KCMF1: variants seen among roughly 807,000 people sequenced by gnomAD.
The protein encoded by KCMF1 is potassium channel modulatory factor 1, also known as E3 ubiquitin-protein ligase KCMF1.
KCMF1 carries 3 observed loss-of-function variants against 41.1 expected under a neutral mutation model. The observed-to-expected ratio is 0.07, with a 90% CI of 0.03 to 0.19. The LOEUF (loss-of-function observed/expected upper bound fraction) is 0.19. Among genes scored for constraint, KCMF1 ranks in the 10% least tolerant of loss-of-function variants. KCMF1 has a pLI of 1.00. For synonymous variants in KCMF1, 142 were observed against 164.5 expected, an observed-to-expected ratio of 0.86 and a Z score of 1.04; for missense variants, 286 against 488.9, an observed-to-expected ratio of 0.58 and a Z score of 3.91.
intron 6 of KCMF1, among the ~76,000 whole-genome samples, chr2:85,052,522 T>C (rs1325624741): frequency 6.6e-6 from 1 of 152,206 alleles, no homozygotes; most frequent in Non-Finnish European, 1.5e-5. Context: ...TTTCCCAGCA[T>C]AGCCCAGATC....
chr2:84,997,311 T>A (rs1327742582), intron 1 of KCMF1, among the ~76,000 whole-genome samples: 1 of 152,196 alleles, frequency 6.6e-6, no homozygotes, highest in Non-Finnish European at 1.5e-5. Context: ...TTCATTTGGC[T>A]TATACGTAGT....
intron 1 of KCMF1, among the ~76,000 whole-genome samples, chr2:85,000,145 AT>A (rs1419837994): frequency 6.6e-6 from 1 of 151,940 alleles, no homozygotes; most frequent in Non-Finnish European, 1.5e-5. Context: ...GACGATATTG[AT>A]TTTTTTTGAG....
intron 5 of KCMF1, 108 bp downstream of exon 5, chr2:85,046,386 CT>C: frequency 1.3e-6 from 1 of 788,292 alleles, no homozygotes; most frequent in South Asian, 1.9e-5. Context: ...TCCCAGCACT[CT>C]GGGAGGCTGG....
chr2:84,982,279 G>A (rs1327557467), intron 1 of KCMF1, among the ~76,000 whole-genome samples: 1 of 151,078 alleles, frequency 6.6e-6, no homozygotes, highest in Admixed American at 6.6e-5. Flanking sequence ...CTCTGTGGTT[G>A]TAGAGGTTTG....
chr2:85,051,922 T>C (rs1293732585), intron 6 of KCMF1, among the ~76,000 whole-genome samples: 1 of 152,226 alleles, frequency 6.6e-6, no homozygotes, highest in Non-Finnish European at 1.5e-5. Context: ...TTATGTGATA[T>C]ATATAGGGCC....
chr2:85,043,638 A>G lies in KCMF1; in HGVS notation c.399A>G (p.Thr133=). The change falls in exon 4 of 7, where the codon ACA becomes ACG. Residue 133 remains threonine, a synonymous_variant. Transcript: ENST00000409785. ...HVTDDFAAHL[T]LEHRAPRDLD... ...CGGATGACTTTGCAGCTCATCTTAC[A>G]CTTGAACACAGAGCCCCTAGAGATT... 1.2e-6 allele frequency: 2 copies of G among 1,610,522 alleles called. No individual in the cohort carries two copies. The highest frequency in any genetic ancestry group is 1.7e-5 in the Admixed American group (1 of 59,990).
chr2:84,971,511 C>G (rs1345121786), intron 1 of KCMF1, 44 bp downstream of exon 1: 3 of 1,122,756 alleles, frequency 2.7e-6, no homozygotes, highest in Non-Finnish European at 3.4e-6. Flanking sequence ...CGGGCCTCGG[C>G]CTACCCCGCC....
At position 85,056,273 on chromosome 2, in the gene KCMF1, G is replaced by A. The variant is rs374079523; in HGVS notation, c.*2864G>A. 9 of 151,910 alleles carry A rather than the reference G, an allele frequency of 5.9e-5. No homozygotes were observed. The highest frequency in any genetic ancestry group is 1.0e-4 in the Non-Finnish European group (7 of 68,002). The allele number at this position is 151,910 out of a possible 1,614,324, so 9.4% of individuals were successfully genotyped here. On this transcript the variant is annotated 3_prime_UTR_variant, in exon 7 of 7. Transcript: ENST00000409785. ...GATTACACTATTAGAAATAATAGAC[G>A]TAACAAAAAAAATCCAGCCCATTAT... is the stretch of plus-strand genomic sequence containing the variant.
chr2:85,004,628 C>T (rs930469072), intron 1 of KCMF1, among the ~76,000 whole-genome samples: 2 of 152,064 alleles, frequency 1.3e-5, no homozygotes, highest in East Asian at 1.9e-4. Flanking sequence ...GTGAGAACAA[C>T]TGAATTTTTT....
At chr2:85,043,009 T>A (rs1378165392) in intron 3 of KCMF1, among the ~76,000 whole-genome samples, 1 of 152,240 alleles carries the variant, frequency 6.6e-6, no homozygotes, top group Non-Finnish European at 1.5e-5. Context: ...AAAAATGGGC[T>A]TCCATACCAT....
chr2:85,037,850 G>A (rs900925419), intron 3 of KCMF1, among the ~76,000 whole-genome samples: 1 of 152,228 alleles, frequency 6.6e-6, no homozygotes, highest in African/African-American at 2.4e-5. Context: ...AGAGCAGAAG[G>A]TGAGCAGTGG....
At chr2:85,000,029 A>T (rs1295107196) in intron 1 of KCMF1, among the ~76,000 whole-genome samples, 4 of 115,882 alleles carry the variant, frequency 3.5e-5, no homozygotes, top group East Asian at 8.9e-4. Flanking sequence ...GGGGACATTA[A>T]AAAAAAAAGA....
At chr2:85,008,436 A>G (rs1378698182) in intron 1 of KCMF1, among the ~76,000 whole-genome samples, 1 of 118,104 alleles carries the variant, frequency 8.5e-6, no homozygotes, top group Admixed American at 9.4e-5. Flanking sequence ...TATATGATAT[A>G]TACATCATAT....
At chr2:84,998,218 A>G (rs1007569626) in intron 1 of KCMF1, among the ~76,000 whole-genome samples, 3 of 151,636 alleles carry the variant, frequency 2.0e-5, no homozygotes, top group Non-Finnish European at 4.4e-5. Flanking sequence ...CAGCCTCCCG[A>G]GTAGCTGGGA....
At position 84,972,801 on chromosome 2, in the gene KCMF1, T is replaced by C. The variant is rs1444792137; in HGVS notation, c.16+1334T>C. ...CTCAACATTCTGTGTTCAACGATTC[T>C]GTATTTTAAAAGTTACAAAACTAAT... On this transcript the variant is annotated intron_variant, in intron 1 of 6. Coordinates refer to ENST00000409785, the MANE Select transcript of KCMF1 (RefSeq NM_020122.5). 2.0e-5 allele frequency among the ~76,000 whole-genome samples: 3 copies of C among 152,248 alleles called. No homozygotes were observed. In the East Asian group the frequency reaches 5.8e-4, roughly 29 times the overall value.
At chr2:85,006,818 A>G (rs1485501347) in intron 1 of KCMF1, among the ~76,000 whole-genome samples, 2 of 151,852 alleles carry the variant, frequency 1.3e-5, no homozygotes, top group African/African-American at 4.8e-5. Flanking sequence ...ATTAAGAAAT[A>G]GAACATCTCG....
At chr2:85,047,718 C>T (rs1298145771) in intron 5 of KCMF1, among the ~76,000 whole-genome samples, 2 of 151,936 alleles carry the variant, frequency 1.3e-5, no homozygotes, top group African/African-American at 2.4e-5. Context: ...ATCACTGTAG[C>T]CTGATAATCT....
chr2:85,025,610 A>AT (rs1675083915), intron 1 of KCMF1, among the ~76,000 whole-genome samples: 1 of 151,820 alleles, frequency 6.6e-6, no homozygotes. Context: ...CACAAATGAC[A>AT]TTTTTTTGGT....
At chr2:85,018,418 G>A (rs997589883) in intron 1 of KCMF1, among the ~76,000 whole-genome samples, 2 of 151,856 alleles carry the variant, frequency 1.3e-5, no homozygotes, top group African/African-American at 2.4e-5. Context: ...TACAGGCACA[G>A]GCCAGCACGC....
Sources: allele counts gnomAD v4.1 joint callset (sites outside exome capture counted in the v4.1 genomes callset), GRCh38; gene constraint gnomAD v4.1.1; transcripts MANE v1.5; gene names NCBI Gene and HGNC (gene_info 2026-07-23, HGNC 2026-07-21).